The following USP6NL variants were observed in gnomAD, a reference collection of about 807,000 sequenced individuals.
USP6NL encodes USP6 N-terminal like.
USP6NL carries 26 observed loss-of-function variants against 61.9 expected under a neutral mutation model. The ratio of observed to expected loss-of-function variants is 0.42; its 90% CI spans 0.31 to 0.58. USP6NL has a LOEUF of 0.58. Ranked by LOEUF, USP6NL falls within the 20% of genes least tolerant of loss-of-function variation. USP6NL has a pLI of 0.16. For synonymous variants in USP6NL, 432 were observed against 390.1 expected, an observed-to-expected ratio of 1.11 and a Z score of -1.27; for missense variants, 1,114 against 1,034.3, an observed-to-expected ratio of 1.08 and a Z score of -1.06.
chr10:11,588,540 A>G (rs1476408962), intron 2 of USP6NL, among the ~76,000 whole-genome samples: 3 of 152,200 alleles, frequency 2.0e-5, no homozygotes, highest in Non-Finnish European at 2.9e-5. Flanking sequence ...CCACTGAAAA[A>G]ATAAAGTTGG....
intron 2 of USP6NL, among the ~76,000 whole-genome samples, chr10:11,579,017 T>G (rs1488724463): frequency 1.3e-5 from 2 of 152,208 alleles, no homozygotes; most frequent in Non-Finnish European, 1.5e-5. Flanking sequence ...AGTAGCTGGT[T>G]GTTAAACATT....
intron 2 of USP6NL, among the ~76,000 whole-genome samples, chr10:11,529,294 G>A (rs77104424): frequency 0.011 from 1,702 of 152,186 alleles, 12 homozygotes; most frequent in Middle Eastern, 0.041. Flanking sequence ...GACAACAATG[G>A]TGACATTGCA....
chr10:11,540,313 T>A lies in USP6NL; in HGVS notation c.5-12746A>T, dbSNP rs1487716051. On this transcript the variant is annotated intron_variant, in intron 2 of 14. Coordinates refer to ENST00000609104, the MANE Select transcript of USP6NL (RefSeq NM_014688.5). The surrounding 1 kb of genome is among the most constrained non-coding windows in gnomAD (Gnocchi z 5.0). The stretch of plus-strand genomic sequence containing the variant: ...GCTATATTATGTTTTAAGTTGTGTG[T>A]TTTAGGATAATAACAAGAAATGATC... 6.6e-6 allele frequency among the ~76,000 whole-genome samples: 1 copy of A among 152,208 alleles called. No homozygotes were observed. The highest frequency in any genetic ancestry group is 1.9e-4 in the East Asian group (1 of 5,194).
chr10:11,577,202 C>T (rs1432546520), intron 2 of USP6NL, among the ~76,000 whole-genome samples: 7 of 151,034 alleles, frequency 4.6e-5, no homozygotes, highest in South Asian at 2.1e-4. Context: ...GGACTACAGG[C>T]GCCTGCCACC....
intron 14 of USP6NL, among the ~76,000 whole-genome samples, chr10:11,472,872 G>A (rs1458477866): frequency 1.3e-5 from 2 of 152,116 alleles, no homozygotes; most frequent in Admixed American, 6.5e-5. Flanking sequence ...AGACTATTAT[G>A]TAAACACATC....
chr10:11,530,433 G>A (rs531864205), intron 2 of USP6NL, among the ~76,000 whole-genome samples: 1 of 152,308 alleles, frequency 6.6e-6, no homozygotes, highest in Non-Finnish European at 1.5e-5. Flanking sequence ...ATAGATCACT[G>A]TCGGTCTATA....
chr10:11,516,262 A>T (rs186817787), intron 5 of USP6NL, among the ~76,000 whole-genome samples: 1 of 152,234 alleles, frequency 6.6e-6, no homozygotes, highest in Non-Finnish European at 1.5e-5. Context: ...AGCTGGAAGG[A>T]AAGCTGTGAT....
intron 2 of USP6NL, among the ~76,000 whole-genome samples, chr10:11,570,854 G>T (rs1837331232): frequency 6.6e-6 from 1 of 152,166 alleles, no homozygotes; most frequent in South Asian, 2.1e-4. Context: ...GTGAAAGTTT[G>T]TTGTTCCAAT....
Position 11,532,104 on chromosome 10 carries a change from C to T in USP6NL, c.5-4537G>A, listed in dbSNP as rs1307746630. 2 of 1,097,076 alleles carry T rather than the reference C, an allele frequency of 1.8e-6. No homozygotes were observed. Among genetic ancestry groups the T allele is most frequent in the Non-Finnish European group, 1.3e-6 (1 of 766,562 alleles). 68.0% of individuals were successfully genotyped at this position (1,097,076 alleles called of 1,614,324 possible). A position where few individuals can be genotyped will look rare whatever the true frequency, so the allele number is the denominator to read the frequency against. Reference sequence around the variant, plus strand: ...CCAATAAAATAAAATTTACAGCAGACCATTTTTCCTAGAGTACATTTTGAC... The same window carrying T: ...CCAATAAAATAAAATTTACAGCAGATCATTTTTCCTAGAGTACATTTTGAC... On this transcript the variant is annotated intron_variant, in intron 2 of 14. Coordinates refer to ENST00000609104, the MANE Select transcript of USP6NL (RefSeq NM_014688.5). This position sits in a 1 kb window ranked among gnomAD's most constrained non-coding sequence, Gnocchi z 4.1.
intron 2 of USP6NL, among the ~76,000 whole-genome samples, chr10:11,569,751 T>A (rs1204423176): frequency 6.6e-6 from 1 of 152,204 alleles, no homozygotes; most frequent in Non-Finnish European, 1.5e-5. Context: ...CAGCCAGAAA[T>A]ACTGCATAGG....
At chr10:11,498,440 A>C (rs935064162) in intron 7 of USP6NL, among the ~76,000 whole-genome samples, 1 of 151,776 alleles carries the variant, frequency 6.6e-6, no homozygotes, top group Non-Finnish European at 1.5e-5. Context: ...GGGAGCAGCC[A>C]AGACAGCTTG....
At chr10:11,604,808 A>G (rs1340488629) in intron 1 of USP6NL, among the ~76,000 whole-genome samples, 2 of 152,228 alleles carry the variant, frequency 1.3e-5, no homozygotes, top group African/African-American at 4.8e-5. Flanking sequence ...CTTCACAATC[A>G]GACCCTTCTA....
chr10:11,555,451 T>TATATATATATAGAG (rs1427219382), intron 2 of USP6NL, among the ~76,000 whole-genome samples: 8 of 60,990 alleles, frequency 1.3e-4, no homozygotes, highest in Admixed American at 2.4e-4. Context: ...TATATATATA[T>TATATATATATAGAG]AGAGAGAGAG....
intron 2 of USP6NL, among the ~76,000 whole-genome samples, chr10:11,546,336 G>C (rs920495198): frequency 1.3e-5 from 2 of 152,108 alleles, no homozygotes; most frequent in African/African-American, 4.8e-5. Flanking sequence ...CTGAAGTAAG[G>C]GTAGAATTTC....
At chr10:11,568,894 T>G (rs1299539583) in intron 2 of USP6NL, among the ~76,000 whole-genome samples, 1 of 152,226 alleles carries the variant, frequency 6.6e-6, no homozygotes, top group African/African-American at 2.4e-5. Context: ...GGCTTTTGCT[T>G]ACATCTTAAG....
At chr10:11,567,988 C>A (rs994118143) in intron 2 of USP6NL, among the ~76,000 whole-genome samples, 10 of 152,316 alleles carry the variant, frequency 6.6e-5, no homozygotes, top group African/African-American at 2.2e-4. Flanking sequence ...TAGCTAACCA[C>A]TTCTGCGCTG....
At chr10:11,529,158 A>T (rs1835543762) in intron 2 of USP6NL, among the ~76,000 whole-genome samples, 1 of 152,186 alleles carries the variant, frequency 6.6e-6, no homozygotes, top group Non-Finnish European at 1.5e-5. Context: ...ATAAAATCTA[A>T]AATGAAAAAC....
At chr10:11,607,085 G>A (rs1331454810) in intron 1 of USP6NL, among the ~76,000 whole-genome samples, 3 of 152,078 alleles carry the variant, frequency 2.0e-5, no homozygotes, top group East Asian at 1.9e-4. Context: ...TATCACACCT[G>A]GCCAAAATTA....
At chr10:11,529,175 A>G (rs1442714027) in intron 2 of USP6NL, among the ~76,000 whole-genome samples, 7 of 152,178 alleles carry the variant, frequency 4.6e-5, no homozygotes, top group Non-Finnish European at 1.0e-4. Flanking sequence ...AAACCAAGAC[A>G]TAGAAAAAAA....
Sources: gnomAD v4.1 joint callset for allele counts (sites outside exome capture counted in the v4.1 genomes callset) on GRCh38, gnomAD v4.1.1 for gene constraint, Gnocchi (gnomAD v3.1) non-coding constraint, MANE v1.5 for transcripts, NCBI Gene and HGNC (gene_info 2026-07-23, HGNC 2026-07-21) for gene names.